The following WASF3 variants were observed in gnomAD, a reference collection of about 807,000 sequenced individuals.
The protein encoded by WASF3 is actin-binding protein WASF3.
WASF3 carries 11 observed loss-of-function variants against 46.6 expected under a neutral mutation model. That is an observed-to-expected ratio of 0.24 (90% CI 0.15 to 0.39). The LOEUF (loss-of-function observed/expected upper bound fraction) is 0.39, where lower values mean the gene tolerates loss of function less well. WASF3 is among the 10% of genes least tolerant of loss of function. The probability of loss-of-function intolerance (pLI) is 1.00; values close to 1 mark genes in which losing one functional copy is unlikely to be tolerated. For missense variants in WASF3, 576 were observed against 669.8 expected, an observed-to-expected ratio of 0.86 and a Z score of 1.55; for synonymous variants, 242 against 259.7, an observed-to-expected ratio of 0.93 and a Z score of 0.65.
At chr13:26,576,749 A>G (rs1330159003) in intron 1 of WASF3, 4 of 264,372 alleles carry the variant, frequency 1.5e-5, no homozygotes, top group African/African-American at 2.2e-5. Context: ...ATTGTGGAAC[A>G]ATAATAGACT....
chr13:26,653,916 G>T (rs1288028977), intron 3 of WASF3, among the ~76,000 whole-genome samples: 3 of 151,684 alleles, frequency 2.0e-5, no homozygotes, highest in Non-Finnish European at 4.4e-5. Flanking sequence ...TTCTCTCTTT[G>T]CCAGCCATCC....
chr13:26,648,590 G>A (rs532566866), intron 3 of WASF3, among the ~76,000 whole-genome samples: 19 of 152,306 alleles, frequency 1.2e-4, no homozygotes, highest in African/African-American at 4.6e-4. Context: ...GAAGGAACTA[G>A]ATTATAAGTA....
At chr13:26,552,537 A>G in the WASF3 span, among the ~76,000 whole-genome samples, 3 of 152,238 alleles carry the variant, frequency 2.0e-5, no homozygotes, top group Admixed American at 6.5e-5. Flanking sequence ...AAGCTCGGGT[A>G]AGTGAAGTAT....
chr13:26,592,026 G>GTTTTTTTTTTT, intron 1 of WASF3, among the ~76,000 whole-genome samples: 1 of 121,144 alleles, frequency 8.3e-6, no homozygotes, highest in Non-Finnish European at 1.8e-5. Context: ...GAGCAGGCGA[G>GTTTTTTTTTTT]TTTTTTTTTT....
chr13:26,586,596 T>C, intron 1 of WASF3, among the ~76,000 whole-genome samples: 1 of 152,324 alleles, frequency 6.6e-6, no homozygotes, highest in Admixed American at 6.5e-5. Flanking sequence ...GTCTTGTCTG[T>C]CTTTGTTTGC....
rs188841415 is a variant in WASF3 at position 26,655,275 on chromosome 13, C to T, written c.134-9753C>T. On this transcript the variant is annotated intron_variant, in intron 3 of 9. Coordinates refer to ENST00000335327, the MANE Select transcript of WASF3 (RefSeq NM_006646.6). ...CCTTGACACTTTAGAAGGGAAACAG[C>T]ATTTATGTTATGGAATGTCCGTTGG... 1.3e-3 allele frequency among the ~76,000 whole-genome samples: 202 copies of T among 152,246 alleles called. 1 individual carries two copies. The highest frequency in any genetic ancestry group is 4.6e-3 in the African/African-American group (192 of 41,550).
intron 1 of WASF3, among the ~76,000 whole-genome samples, chr13:26,604,632 A>G (rs1291195526): frequency 1.3e-5 from 2 of 152,236 alleles, no homozygotes; most frequent in Non-Finnish European, 1.5e-5. Flanking sequence ...GCAAAATTAC[A>G]CGATGCTTCT....
intron 3 of WASF3, among the ~76,000 whole-genome samples, chr13:26,655,708 CTATT>C (rs1176371159): frequency 3.3e-5 from 5 of 152,134 alleles, no homozygotes; most frequent in Admixed American, 3.3e-4. Flanking sequence ...ATTTATTTCC[CTATT>C]TATTTACTTG....
chr13:26,610,160 A>T (rs908814945), intron 1 of WASF3, among the ~76,000 whole-genome samples: 1 of 151,972 alleles, frequency 6.6e-6, no homozygotes, highest in Non-Finnish European at 1.5e-5. Flanking sequence ...CCATCCACTT[A>T]ATCTTCCGAG....
At chr13:26,564,900 G>GTTTTTTTTTTTTTTTTTTTTTTTTTTT (rs66809412) in intron 1 of WASF3, among the ~76,000 whole-genome samples, 2 of 81,636 alleles carry the variant, frequency 2.4e-5, no homozygotes, top group Non-Finnish European at 4.5e-5. Context: ...CAAGGTTGTG[G>GTTTTTTTTTTTTTTTTTTTTTTTTTTT]TTTTTTTTTT....
chr13:26,621,381 C>CT (rs1244487742), intron 2 of WASF3, among the ~76,000 whole-genome samples: 4 of 152,172 alleles, frequency 2.6e-5, no homozygotes, highest in Admixed American at 2.6e-4. Flanking sequence ...AGCTGAATGT[C>CT]TAACTGAAAA....
At chr13:26,616,305 A>C (rs1336551440) in intron 2 of WASF3, among the ~76,000 whole-genome samples, 1 of 152,176 alleles carries the variant, frequency 6.6e-6, no homozygotes, top group Non-Finnish European at 1.5e-5. Flanking sequence ...AGCCATTCTC[A>C]TCAGTGTGCA....
chr13:26,667,050 C>A (rs1485697146), intron 4 of WASF3, among the ~76,000 whole-genome samples: 1 of 152,016 alleles, frequency 6.6e-6, no homozygotes, highest in Non-Finnish European at 1.5e-5. Flanking sequence ...CATTTGCCAT[C>A]TTTCCTTAAT....
chr13:26,604,707 A>G (rs1193301302), intron 1 of WASF3, among the ~76,000 whole-genome samples: 1 of 152,206 alleles, frequency 6.6e-6, no homozygotes, highest in African/African-American at 2.4e-5. Flanking sequence ...TTCTAGTTAT[A>G]GGGTTCAGTA....
At chr13:26,576,802 T>C (rs1344864728) in intron 1 of WASF3, 1 of 414,762 alleles carries the variant, frequency 2.4e-6, no homozygotes, top group Admixed American at 3.8e-5. Context: ...CTATGTATTC[T>C]TTACCCAGCT....
At chr13:26,564,824 T>A (rs1199590018) in intron 1 of WASF3, among the ~76,000 whole-genome samples, 1 of 152,086 alleles carries the variant, frequency 6.6e-6, no homozygotes, top group Non-Finnish European at 1.5e-5. Flanking sequence ...GTTTACACAG[T>A]ATGGTCTGAG....
chr13:26,608,997 A>G (rs1880888536), intron 1 of WASF3, among the ~76,000 whole-genome samples: 1 of 152,186 alleles, frequency 6.6e-6, no homozygotes, highest in South Asian at 2.1e-4. Flanking sequence ...AAGTGGGGAA[A>G]TAGAGCTATA....
intron 2 of WASF3, among the ~76,000 whole-genome samples, chr13:26,622,917 A>T (rs980895653): frequency 6.6e-6 from 1 of 152,238 alleles, no homozygotes; most frequent in Non-Finnish European, 1.5e-5. Context: ...AGGATATAAG[A>T]GAACATTGCT....
At chr13:26,654,534 C>A (rs1344329573) in intron 3 of WASF3, among the ~76,000 whole-genome samples, 1 of 152,224 alleles carries the variant, frequency 6.6e-6, no homozygotes, top group African/African-American at 2.4e-5. Flanking sequence ...AAGTATATTT[C>A]TTCAAGCAAC....
Sources: gnomAD v4.1 joint callset for allele counts (sites outside exome capture counted in the v4.1 genomes callset) on GRCh38, gnomAD v4.1.1 for gene constraint, MANE v1.5 for transcripts, NCBI Gene and HGNC (gene_info 2026-07-23, HGNC 2026-07-21) for gene names.